The following ZMIZ1 variants were observed in gnomAD, a reference collection of about 807,000 sequenced individuals.
ZMIZ1 encodes the protein zinc finger MIZ-type containing 1.
In ZMIZ1, 17 loss-of-function variants were observed where a neutral mutation model predicts 113.9. The ratio of observed to expected loss-of-function variants is 0.15; its 90% CI spans 0.10 to 0.22. The LOEUF (loss-of-function observed/expected upper bound fraction) is 0.22, where lower values mean the gene tolerates loss of function less well. Ranked by LOEUF, ZMIZ1 falls within the 10% of genes least tolerant of loss-of-function variation. ZMIZ1 has a pLI of 1.00. For missense variants in ZMIZ1, 1,059 were observed against 1,477.8 expected, an observed-to-expected ratio of 0.72 and a Z score of 4.65; for synonymous variants, 607 against 603.1, an observed-to-expected ratio of 1.01 and a Z score of -0.09.
intron 4 of ZMIZ1, among the ~76,000 whole-genome samples, chr10:79,183,316 T>C (rs1847201089): frequency 1.3e-5 from 2 of 152,070 alleles, no homozygotes; most frequent in African/African-American, 4.8e-5. Context: ...ATCAGCTGCA[T>C]GCACACCCGG....
At chr10:79,202,189 G>GGAAAAAAAAAA (rs1564716548) in intron 5 of ZMIZ1, among the ~76,000 whole-genome samples, 2 of 52,630 alleles carry the variant, frequency 3.8e-5, no homozygotes, top group East Asian at 6.1e-4. Flanking sequence ...CCCTGTCTCA[G>GGAAAAAAAAAA]AAAAAAAAAA....
At chr10:79,299,719 C>T (rs1203251368) in intron 16 of ZMIZ1, among the ~76,000 whole-genome samples, 3 of 152,248 alleles carry the variant, frequency 2.0e-5, no homozygotes, top group Non-Finnish European at 2.9e-5. Context: ...GCACCTTCCA[C>T]GTGTGACCCA....
intron 7 of ZMIZ1, among the ~76,000 whole-genome samples, chr10:79,276,468 C>A (rs1589544354): frequency 6.6e-6 from 1 of 152,204 alleles, no homozygotes; most frequent in Admixed American, 6.5e-5. Context: ...GCTCTGTGCT[C>A]CTGCCTTGGG....
At chr10:79,103,240 G>A (rs1292873455) in intron 1 of ZMIZ1, among the ~76,000 whole-genome samples, 1 of 152,080 alleles carries the variant, frequency 6.6e-6, no homozygotes. Flanking sequence ...TGGGGAAACC[G>A]TGAGGGGGAG....
At position 79,296,266 on chromosome 10, in the gene ZMIZ1, A is replaced by G; in HGVS notation, c.1231-205A>G. 1.6e-6 allele frequency: 1 copy of G among 607,312 alleles called. No homozygotes were observed. The highest frequency in any genetic ancestry group is 2.0e-5 in the South Asian group (1 of 51,148). The allele number at this position is 607,312 out of a possible 1,614,324, so 37.6% of individuals were successfully genotyped here. On this transcript the variant is annotated intron_variant, in intron 12 of 24. Coordinates refer to ENST00000334512, the MANE Select transcript of ZMIZ1 (RefSeq NM_020338.4). This position sits in a 1 kb window ranked among gnomAD's most constrained non-coding sequence, Gnocchi z 4.1. Reference sequence around the variant, plus strand: ...CTCCAGGAAGAACGGCCTCAAGGGGAGGTGGCCTATGATCTGGACAGGCAG... The same window carrying G: ...CTCCAGGAAGAACGGCCTCAAGGGGGGGTGGCCTATGATCTGGACAGGCAG...
rs755473093 is a variant in ZMIZ1, at chr10:79,300,846, C to T, written c.1923C>T (p.Arg641=). 18 of 1,613,546 alleles carry T rather than the reference C, an allele frequency of 1.1e-5. No homozygotes were observed. The highest frequency in any genetic ancestry group is 1.0e-4 in the Admixed American group (6 of 60,000). The change falls in exon 17 of 25, where the codon CGC becomes CGT. Residue 641 remains arginine (R), a synonymous_variant. Coordinates refer to ENST00000334512, the MANE Select transcript of ZMIZ1 (RefSeq NM_020338.4). ...ACGCCACGCCCCTCACCATTGAGCG[C>T]GGCGACAACAAGACCTCCCACAAGC... ...SVNATPLTIE[R]GDNKTSHKPL...
chr10:79,110,713 G>C (rs1184945457), intron 1 of ZMIZ1, among the ~76,000 whole-genome samples: 1 of 152,222 alleles, frequency 6.6e-6, no homozygotes. Context: ...TGGCTCAGAG[G>C]CTCTGAAAGA....
chr10:79,208,818 A>G (rs999771358), intron 6 of ZMIZ1, among the ~76,000 whole-genome samples: 5 of 152,224 alleles, frequency 3.3e-5, no homozygotes, highest in African/African-American at 1.2e-4. Context: ...GCAAACATGT[A>G]TGGAGCTTCT....
chr10:79,188,349 G>A (rs957115749), intron 4 of ZMIZ1, among the ~76,000 whole-genome samples: 1 of 152,114 alleles, frequency 6.6e-6, no homozygotes, highest in Non-Finnish European at 1.5e-5. Flanking sequence ...TTCCTACTCT[G>A]GCCTTTGCCC....
At position 79,312,701 on chromosome 10, in the gene ZMIZ1, G is replaced by T; in HGVS notation, c.3156G>T (p.Leu1052=). The T allele has an allele frequency of 1.2e-6, 2 of 1,614,206 alleles. No individual in the cohort carries two copies. The highest frequency in any genetic ancestry group is 8.5e-7 in the Non-Finnish European group (1 of 1,180,026). ...ELLSYLDPPD[L]PSNSNDDLLS... ...TGTCTTATCTGGACCCCCCCGACCT[G>T]CCGAGCAATAGTAACGATGACCTCC... is the stretch of plus-strand genomic sequence containing the variant. The change falls in exon 25 of 25, where the codon CTG becomes CTT. Residue 1052 remains leucine, a synonymous_variant. Coordinates refer to ENST00000334512, the MANE Select transcript of ZMIZ1 (RefSeq NM_020338.4).
chr10:79,142,350 AG>A (rs1343202382), intron 3 of ZMIZ1, among the ~76,000 whole-genome samples: 2 of 152,026 alleles, frequency 1.3e-5, no homozygotes, highest in Non-Finnish European at 2.9e-5. Context: ...ATCACTCGAG[AG>A]TGTGTGGCGC....
intron 7 of ZMIZ1, among the ~76,000 whole-genome samples, chr10:79,247,623 C>G (rs961749045): frequency 6.6e-6 from 1 of 152,182 alleles, no homozygotes; most frequent in Non-Finnish European, 1.5e-5. Context: ...ACTGCTCCCA[C>G]CCCCCGTAGG....
intron 15 of ZMIZ1, 114 bp from the exon 16 acceptor site, chr10:79,298,934 TAC>T: frequency 7.3e-7 from 1 of 1,377,240 alleles, no homozygotes; most frequent in Non-Finnish European, 9.7e-7. Context: ...TGGCCCTGTT[TAC>T]ACACCCCTGC....
chr10:79,256,973 T>A (rs769390296), intron 7 of ZMIZ1, among the ~76,000 whole-genome samples: 1 of 152,220 alleles, frequency 6.6e-6, no homozygotes, highest in Non-Finnish European at 1.5e-5. Context: ...AAGTGACGTC[T>A]TCAGGCTTCT....
At chr10:79,265,466 TTC>T (rs151083329) in intron 7 of ZMIZ1, among the ~76,000 whole-genome samples, 11,374 of 142,512 alleles carry the variant, frequency 0.08, 578 homozygotes, top group East Asian at 0.17. Flanking sequence ...TTTTTTTCTT[TTC>T]TTTTTTTTTT....
intron 1 of ZMIZ1, among the ~76,000 whole-genome samples, chr10:79,099,035 C>T (rs1463221686): frequency 6.6e-6 from 1 of 152,180 alleles, no homozygotes; most frequent in Non-Finnish European, 1.5e-5. Flanking sequence ...AGAAGTGAGT[C>T]AGAATTTCAA....
intron 4 of ZMIZ1, among the ~76,000 whole-genome samples, chr10:79,170,723 C>T (rs773158524): frequency 6.6e-6 from 1 of 152,170 alleles, no homozygotes. Context: ...AGAATGACCC[C>T]GCAGAGCCCT....
At chr10:79,094,043 T>C (rs1380426218) in intron 1 of ZMIZ1, among the ~76,000 whole-genome samples, 1 of 152,258 alleles carries the variant, frequency 6.6e-6, no homozygotes, top group Non-Finnish European at 1.5e-5. Context: ...GAGGGCATTG[T>C]ATGTCCCCAG....
At chr10:79,281,336 C>T (rs1852730673) in intron 8 of ZMIZ1, among the ~76,000 whole-genome samples, 1 of 152,168 alleles carries the variant, frequency 6.6e-6, no homozygotes, top group South Asian at 2.1e-4. Context: ...GCAGACTGGG[C>T]TTTGGGGTTC....
Sources: allele counts gnomAD v4.1 joint callset (sites outside exome capture counted in the v4.1 genomes callset), GRCh38; gene constraint gnomAD v4.1.1; non-coding constraint Gnocchi (gnomAD v3.1); transcripts MANE v1.5; gene names NCBI Gene and HGNC (gene_info 2026-07-23, HGNC 2026-07-21).